The following GAB2 variants were observed in gnomAD, a reference collection of about 807,000 sequenced individuals.
The protein encoded by GAB2 is GRB2-associated-binding protein 2.
A neutral mutation model predicts 65.5 loss-of-function variants in GAB2; 26 were observed. The ratio of observed to expected loss-of-function variants is 0.40; its 90% CI spans 0.29 to 0.55. The LOEUF (loss-of-function observed/expected upper bound fraction) is 0.55. Among genes scored for constraint, GAB2 ranks in the 20% least tolerant of loss-of-function variants. The probability of loss-of-function intolerance (pLI) is 0.53; values close to 1 mark genes in which losing one functional copy is unlikely to be tolerated. For missense variants in GAB2, 884 were observed against 875.8 expected, an observed-to-expected ratio of 1.01 and a Z score of -0.12; for synonymous variants, 321 against 329.6, an observed-to-expected ratio of 0.97 and a Z score of 0.28.
intron 1 of GAB2, among the ~76,000 whole-genome samples, chr11:78,398,587 T>G (rs1856931729): frequency 6.6e-6 from 1 of 152,118 alleles, no homozygotes; most frequent in Non-Finnish European, 1.5e-5. Flanking sequence ...AATTAAAAAT[T>G]GGAAAAAATA....
intron 1 of GAB2, among the ~76,000 whole-genome samples, chr11:78,305,747 G>C (rs1326635820): frequency 3.9e-5 from 6 of 152,146 alleles, no homozygotes; most frequent in Non-Finnish European, 7.4e-5. Flanking sequence ...TTCATCTTGA[G>C]ACATCCTGAC....
intron 1 of GAB2, among the ~76,000 whole-genome samples, chr11:78,365,553 A>G (rs2134721711): frequency 6.6e-6 from 1 of 152,318 alleles, no homozygotes; most frequent in East Asian, 1.9e-4. Context: ...CTAAGGAGGA[A>G]GACAGAAAAG....
chr11:78,398,290 T>C (rs1198888017), intron 1 of GAB2, among the ~76,000 whole-genome samples: 1 of 152,140 alleles, frequency 6.6e-6, no homozygotes, highest in Non-Finnish European at 1.5e-5. Flanking sequence ...CTCATGAACA[T>C]GGGTGAAACT....
chr11:78,236,565 A>G (rs1864987139), intron 3 of GAB2, among the ~76,000 whole-genome samples: 1 of 152,326 alleles, frequency 6.6e-6, no homozygotes. Flanking sequence ...CATTATGTTC[A>G]ATATTTCTCC....
chr11:78,261,523 G>A (rs1473923172), intron 2 of GAB2, among the ~76,000 whole-genome samples: 1 of 152,210 alleles, frequency 6.6e-6, no homozygotes, highest in African/African-American at 2.4e-5. Context: ...CATGCACTGT[G>A]CTGTTGATTT....
At chr11:78,345,271 T>C (rs1284268943) in intron 1 of GAB2, among the ~76,000 whole-genome samples, 1 of 152,068 alleles carries the variant, frequency 6.6e-6, no homozygotes, top group East Asian at 1.9e-4. Flanking sequence ...GGGAATGAAA[T>C]CCTGTCTCAA....
intron 7 of GAB2, 61 bp downstream of exon 7, chr11:78,222,044 C>T: frequency 9.4e-7 from 1 of 1,065,778 alleles, no homozygotes; most frequent in Non-Finnish European, 1.5e-6. Context: ...CCAGCTACCA[C>T]ATCACTCATT....
chr11:78,322,206 G>A (rs12574044), intron 1 of GAB2, among the ~76,000 whole-genome samples: 24,087 of 148,570 alleles, frequency 0.16, 2,505 homozygotes, highest in East Asian at 0.42. Context: ...TCAGGAGGCC[G>A]AGGCAGGAGA....
Position 78,417,682 on chromosome 11 carries a change from C to T in GAB2, c.39G>A (p.Leu13=), listed in dbSNP as rs1324188815. ...GGGDVVCTGW[L]RKSPPEKKLR... is the part of the protein sequence containing the mutation. ...ACTTCTTCTCGGGAGGCGATTTCCT[C>T]AGCCAGCCGGTGCACACCACGTCGC... The change falls in exon 1 of 10, where the codon CTG becomes CTA. Residue 13 remains leucine, a synonymous_variant. Transcript: ENST00000361507. 21 of 1,392,758 alleles carry T rather than the reference C, an allele frequency of 1.5e-5. No individual in the cohort carries two copies. The highest frequency in any genetic ancestry group is 2.2e-5 in the Admixed American group (1 of 45,228). The allele number at this position is 1,392,758 out of a possible 1,614,324, so 86.3% of individuals were successfully genotyped here. A position where few individuals can be genotyped will look rare whatever the true frequency, so the allele number is the denominator to read the frequency against.
intron 1 of GAB2, among the ~76,000 whole-genome samples, chr11:78,288,323 G>C (rs1176380838): frequency 6.9e-6 from 1 of 145,048 alleles, no homozygotes; most frequent in Non-Finnish European, 1.5e-5. Context: ...AGGTTTCAGT[G>C]AGCTGAGATG....
At chr11:78,277,983 C>T (rs1866221455) in intron 2 of GAB2, among the ~76,000 whole-genome samples, 1 of 152,114 alleles carries the variant, frequency 6.6e-6, no homozygotes, top group South Asian at 2.1e-4. Flanking sequence ...ATTGAGGTTG[C>T]TGCAGACCCA....
chr11:78,290,925 C>T (rs183172549), intron 1 of GAB2, among the ~76,000 whole-genome samples: 294 of 152,228 alleles, frequency 1.9e-3, no homozygotes, highest in African/African-American at 6.9e-3. Flanking sequence ...GATCAGCAAA[C>T]TTTGTTAAGG....
At chr11:78,325,711 T>C (rs185182268) in intron 1 of GAB2, among the ~76,000 whole-genome samples, 3 of 152,298 alleles carry the variant, frequency 2.0e-5, no homozygotes. Flanking sequence ...CTTTCAAAGA[T>C]CTTACATGAC....
At chr11:78,256,374 G>T (rs1027211984) in intron 2 of GAB2, among the ~76,000 whole-genome samples, 1 of 152,182 alleles carries the variant, frequency 6.6e-6, no homozygotes, top group South Asian at 2.1e-4. Flanking sequence ...GCTTCCCAGG[G>T]GTGATTGTGG....
intron 1 of GAB2, among the ~76,000 whole-genome samples, chr11:78,364,360 A>G (rs1856471245): frequency 1.3e-5 from 2 of 152,214 alleles, no homozygotes; most frequent in African/African-American, 4.8e-5. Flanking sequence ...TCCAATACAG[A>G]TTCCTATCTA....
At position 78,318,933 on chromosome 11, in the gene GAB2, T is replaced by G. The variant is rs1855669569; in HGVS notation, c.76-38032A>C. Among the ~76,000 whole-genome samples the G allele has an allele frequency of 2.0e-5, 3 of 152,188 alleles. No individual in the cohort carries two copies. The South Asian group carries it at 6.2e-4, about 32-fold the overall frequency. ...CCCTGGAAATCACAACAATCAAGAATGGAGAATCGTTCTTTTCATCCCTTC... is the reference window on the plus strand; with the variant it reads ...CCCTGGAAATCACAACAATCAAGAAGGGAGAATCGTTCTTTTCATCCCTTC... On this transcript the variant is annotated intron_variant, in intron 1 of 9. Coordinates refer to ENST00000361507, the MANE Select transcript of GAB2 (RefSeq NM_080491.3).
chr11:78,308,443 A>G (rs1473095172), intron 1 of GAB2, among the ~76,000 whole-genome samples: 1 of 152,148 alleles, frequency 6.6e-6, no homozygotes, highest in East Asian at 1.9e-4. Context: ...GAAGATGGAG[A>G]GGCAGGTTAC....
chr11:78,257,584 G>A (rs567558350), intron 2 of GAB2, among the ~76,000 whole-genome samples: 5 of 152,304 alleles, frequency 3.3e-5, no homozygotes, highest in African/African-American at 9.6e-5. Context: ...ACATGGAGCT[G>A]GTTGAGACCT....
chr11:78,414,560 A>G (rs1304961638), intron 1 of GAB2, among the ~76,000 whole-genome samples: 2 of 152,214 alleles, frequency 1.3e-5, no homozygotes, highest in African/African-American at 4.8e-5. Flanking sequence ...GTACGTGTGT[A>G]TGCATTTGCA....
Sources: gnomAD v4.1 joint callset for allele counts (sites outside exome capture counted in the v4.1 genomes callset) on GRCh38, gnomAD v4.1.1 for gene constraint, MANE v1.5 for transcripts, NCBI Gene and HGNC (gene_info 2026-07-23, HGNC 2026-07-21) for gene names.